Variants in MB21D2 observed in about 807,000 individuals in gnomAD.
MB21D2 encodes the protein nucleotidyltransferase MB21D2.
MB21D2 carries 9 observed loss-of-function variants against 33.3 expected under a neutral mutation model. That is an observed-to-expected ratio of 0.27 (90% CI 0.16 to 0.47). The LOEUF (loss-of-function observed/expected upper bound fraction) is 0.47. MB21D2 is among the 20% of genes least tolerant of loss of function. The pLI is 0.99. For synonymous variants in MB21D2, 241 were observed against 236.3 expected (o/e 1.02, Z -0.18); for missense variants, 540 against 624.6 (o/e 0.86, Z 1.44).
chr3:192,904,408 C>G (rs1169055175), intron 1 of MB21D2, among the ~76,000 whole-genome samples: 6 of 152,098 alleles, frequency 3.9e-5, no homozygotes, highest in African/African-American at 1.4e-4. Flanking sequence ...AGTTTTAAAC[C>G]CCATGGTGTT....
chr3:192,850,351 C>T (rs1447180437), intron 1 of MB21D2, among the ~76,000 whole-genome samples: 1 of 152,188 alleles, frequency 6.6e-6, no homozygotes, highest in Non-Finnish European at 1.5e-5. Context: ...CAAGCTCCAG[C>T]AGAGTAACAG....
At chr3:192,818,660 T>C (rs1020980736) in intron 1 of MB21D2, among the ~76,000 whole-genome samples, 1 of 152,218 alleles carries the variant, frequency 6.6e-6, no homozygotes, top group Non-Finnish European at 1.5e-5. Flanking sequence ...TTTAGAGTGG[T>C]ATTTCTTTAT....
chr3:192,893,008 C>A (rs746350146), intron 1 of MB21D2, among the ~76,000 whole-genome samples: 1 of 152,220 alleles, frequency 6.6e-6, no homozygotes. Context: ...TTAATTTGCA[C>A]GACAATATTT....
chr3:192,872,432 C>T (rs547577596), intron 1 of MB21D2, among the ~76,000 whole-genome samples: 42 of 151,838 alleles, frequency 2.8e-4, no homozygotes, highest in African/African-American at 6.3e-4. Context: ...AAAAATTAGC[C>T]GCACGTGGTG....
intron 1 of MB21D2, among the ~76,000 whole-genome samples, chr3:192,827,643 G>C (rs751055941): frequency 1.3e-5 from 2 of 152,060 alleles, no homozygotes; most frequent in Admixed American, 6.6e-5. Flanking sequence ...ACTAAAACCA[G>C]GTCTCGCTCA....
At chr3:192,916,098 T>TTATATATATATATATATATATATATATA (rs55749042) in intron 1 of MB21D2, among the ~76,000 whole-genome samples, 145 of 139,048 alleles carry the variant, frequency 1.0e-3, no homozygotes, top group African/African-American at 4.1e-3. Context: ...CTACCAGGTT[T>TTATATATATATATATATATATATATATA]TATATATATA....
intron 1 of MB21D2, among the ~76,000 whole-genome samples, chr3:192,847,039 T>C (rs541017723): frequency 2.2e-4 from 33 of 152,108 alleles, no homozygotes; most frequent in Non-Finnish European, 4.1e-4. Context: ...CTCATCACCA[T>C]AGGGAAGCAG....
chr3:192,899,255 G>C lies in MB21D2; in HGVS notation c.211+18375C>G, dbSNP rs181416136. ...GGCTAAGGAGTTTGAACAGCCAGGCGCGGTGGCTCATGCCTATAATCCCAG... is the reference window on the plus strand; with the variant it reads ...GGCTAAGGAGTTTGAACAGCCAGGCCCGGTGGCTCATGCCTATAATCCCAG... On this transcript the variant is annotated intron_variant, in intron 1 of 1. Transcript: ENST00000392452. 1.1e-3 allele frequency among the ~76,000 whole-genome samples: 173 copies of C among 152,250 alleles called. 1 individual carries two copies. Among genetic ancestry groups the C allele is most frequent in the Non-Finnish European group, 1.3e-4 (9 of 68,026 alleles).
At chr3:192,895,080 G>A (rs181930904) in intron 1 of MB21D2, among the ~76,000 whole-genome samples, 2 of 152,086 alleles carry the variant, frequency 1.3e-5, no homozygotes, top group Admixed American at 1.3e-4. Flanking sequence ...GCCTGGGTTG[G>A]GGGGGAGGGG....
chr3:192,905,146 G>C (rs746458798), intron 1 of MB21D2, among the ~76,000 whole-genome samples: 16 of 152,220 alleles, frequency 1.1e-4, no homozygotes, highest in Non-Finnish European at 2.1e-4. Context: ...GCCTAAAACA[G>C]TGCTTACAGC....
intron 1 of MB21D2, among the ~76,000 whole-genome samples, chr3:192,839,042 T>C (rs1560235920): frequency 6.6e-6 from 1 of 152,202 alleles, no homozygotes; most frequent in South Asian, 2.1e-4. Flanking sequence ...TACGACCTTT[T>C]TCTTTTACAA....
intron 1 of MB21D2, among the ~76,000 whole-genome samples, chr3:192,917,066 G>A (rs1714482565): frequency 6.6e-6 from 1 of 152,220 alleles, no homozygotes; most frequent in Non-Finnish European, 1.5e-5. Context: ...TACTTCAGCG[G>A]GTTACTCGGG....
chr3:192,834,288 G>C (rs1349575318), intron 1 of MB21D2, among the ~76,000 whole-genome samples: 2 of 150,034 alleles, frequency 1.3e-5, no homozygotes, highest in African/African-American at 4.9e-5. Context: ...TTGCACTCCA[G>C]CCCAGACGAC....
At chr3:192,882,877 G>A (rs1039498046) in intron 1 of MB21D2, among the ~76,000 whole-genome samples, 2 of 151,976 alleles carry the variant, frequency 1.3e-5, no homozygotes, top group African/African-American at 4.8e-5. Flanking sequence ...TGGGACTACA[G>A]GTGCCCACCA....
At chr3:192,808,897 A>G (rs927627291) in intron 1 of MB21D2, among the ~76,000 whole-genome samples, 3 of 152,250 alleles carry the variant, frequency 2.0e-5, no homozygotes, top group Non-Finnish European at 4.4e-5. Flanking sequence ...AGAGATAACT[A>G]GCACCAGCAA....
intron 1 of MB21D2, among the ~76,000 whole-genome samples, chr3:192,828,246 G>C (rs1712220858): frequency 6.6e-6 from 1 of 151,854 alleles, no homozygotes; most frequent in African/African-American, 2.4e-5. Context: ...TTTCTAATTA[G>C]GAGCCCTCCA....
At chr3:192,878,830 G>A (rs1444996294) in intron 1 of MB21D2, among the ~76,000 whole-genome samples, 2 of 152,212 alleles carry the variant, frequency 1.3e-5, no homozygotes, top group African/African-American at 4.8e-5. Flanking sequence ...TGGACGTGGT[G>A]GTGCATGCCT....
intron 1 of MB21D2, among the ~76,000 whole-genome samples, chr3:192,880,351 AAAAAT>A (rs1345008490): frequency 3.9e-5 from 6 of 152,054 alleles, no homozygotes; most frequent in South Asian, 2.1e-4. Context: ...CATCTCAGAA[AAAAAT>A]AAAATAAAAT....
intron 1 of MB21D2, among the ~76,000 whole-genome samples, chr3:192,814,005 C>T (rs1711852549): frequency 1.3e-5 from 2 of 152,124 alleles, no homozygotes; most frequent in South Asian, 4.1e-4. Context: ...ATCAATTTTC[C>T]ACATGGCTTA....
Sources: allele counts gnomAD v4.1 joint callset (sites outside exome capture counted in the v4.1 genomes callset), GRCh38; gene constraint gnomAD v4.1.1; transcripts MANE v1.5; gene names NCBI Gene and HGNC (gene_info 2026-07-23, HGNC 2026-07-21).